Variants in PDE4D observed in about 807,000 individuals in gnomAD.
The protein encoded by PDE4D is 3',5'-cyclic-AMP phosphodiesterase 4D.
In PDE4D, 24 loss-of-function variants were observed where a neutral mutation model predicts 87.4. The observed-to-expected ratio is 0.27, with a 90% CI of 0.20 to 0.39. The LOEUF (loss-of-function observed/expected upper bound fraction) is 0.39, where lower values mean the gene tolerates loss of function less well. Among genes scored for constraint, PDE4D ranks in the 10% least tolerant of loss-of-function variants. The pLI, the probability that PDE4D is intolerant of heterozygous loss-of-function variation, is 1.00. For missense variants in PDE4D, 714 were observed against 1,041.0 expected (o/e 0.69, Z 4.32); for synonymous variants, 384 against 383.2 (o/e 1.00, Z -0.02).
intron 1 of PDE4D, among the ~76,000 whole-genome samples, chr5:59,516,359 C>T (rs2153670930): frequency 6.6e-6 from 1 of 152,248 alleles, no homozygotes; most frequent in East Asian, 1.9e-4. Flanking sequence ...AATAGGCCTT[C>T]AACACCACAC....
In PDE4D at chr5:59,498,707, G is replaced by T. The variant is rs555127793; in HGVS notation, c.456-282739C>A. 5.3e-5 allele frequency among the ~76,000 whole-genome samples: 8 copies of T among 152,050 alleles called. No homozygotes were observed. In the South Asian group the frequency reaches 1.7e-3, roughly 32 times the overall value. On this transcript the variant is annotated intron_variant, in intron 1 of 14. Coordinates refer to ENST00000340635, the MANE Select transcript of PDE4D (RefSeq NM_001104631.2). ...GAAAGGCATTACATAATGATAAAGT[G>T]TTCAATTCAATAAGAAGACTTAACT...
chr5:59,934,247 C>A (rs1756309534), intron 3 of PDE4D, among the ~76,000 whole-genome samples: 1 of 152,094 alleles, frequency 6.6e-6, no homozygotes. Context: ...AAAGTTTAAA[C>A]AGTAACAAAA....
chr5:60,499,474 T>G (rs1016768515), intron 1 of PDE4D, among the ~76,000 whole-genome samples: 2 of 152,172 alleles, frequency 1.3e-5, no homozygotes, highest in East Asian at 3.8e-4. Flanking sequence ...GAAAGTTGAT[T>G]CCTGGCTGCT....
chr5:59,863,774 A>AT lies in PDE4D; in HGVS notation c.455+29393dup, dbSNP rs570777168. Among the ~76,000 whole-genome samples, 90 of 152,104 alleles carry AT rather than the reference A, an allele frequency of 5.9e-4. 1 individual carries two copies. Among genetic ancestry groups the AT allele is most frequent in the Middle Eastern group, 3.4e-3 (1 of 294 alleles). On this transcript the variant is annotated intron_variant, in intron 1 of 14. Coordinates refer to ENST00000340635, the MANE Select transcript of PDE4D (RefSeq NM_001104631.2). ...AAGTACCAGATATTTTTAGTTTAGGATTTTTTTTAACATAACTTATGTTTG... is the reference window on the plus strand; with the variant it reads ...AAGTACCAGATATTTTTAGTTTAGGATTTTTTTTTAACATAACTTATGTTTG...
At chr5:59,374,965 CA>C (rs1392568112) in intron 1 of PDE4D, among the ~76,000 whole-genome samples, 2 of 152,094 alleles carry the variant, frequency 1.3e-5, no homozygotes, top group African/African-American at 4.8e-5. Flanking sequence ...AAGCAGAAAT[CA>C]ATAAGGTTTT....
chr5:59,968,533 T>C (rs1408471537), intron 3 of PDE4D, among the ~76,000 whole-genome samples: 1 of 152,020 alleles, frequency 6.6e-6, no homozygotes, highest in Non-Finnish European at 1.5e-5. Context: ...AATAATCCCA[T>C]GTAACAAATC....
At chr5:59,505,157 C>T (rs1235167236) in intron 1 of PDE4D, among the ~76,000 whole-genome samples, 1 of 152,006 alleles carries the variant, frequency 6.6e-6, no homozygotes, top group Non-Finnish European at 1.5e-5. Flanking sequence ...ATATGCATTC[C>T]CAGGTTATGC....
intron 3 of PDE4D, among the ~76,000 whole-genome samples, chr5:59,972,226 C>G (rs894654199): frequency 1.3e-5 from 2 of 152,202 alleles, no homozygotes; most frequent in African/African-American, 2.4e-5. Context: ...TATTCCTACT[C>G]CCCTAGTGGA....
At chr5:59,995,499 T>C (rs1212025535) in intron 2 of PDE4D, among the ~76,000 whole-genome samples, 1 of 151,970 alleles carries the variant, frequency 6.6e-6, no homozygotes, top group Non-Finnish European at 1.5e-5. Context: ...TTTGTATTTT[T>C]AGTAGAGACG....
chr5:60,038,734 T>A, intron 2 of PDE4D, among the ~76,000 whole-genome samples: 1 of 151,068 alleles, frequency 6.6e-6, no homozygotes, highest in African/African-American at 2.4e-5. Context: ...TCAAACAAAT[T>A]TACAAAAAAA....
chr5:59,091,174 C>G (rs535846115), intron 5 of PDE4D: 1 of 448,842 alleles, frequency 2.2e-6, no homozygotes, highest in African/African-American at 2.0e-5. Flanking sequence ...TTTATTAGAA[C>G]GTGGAGCAAC....
intron 1 of PDE4D, among the ~76,000 whole-genome samples, chr5:60,367,263 A>C (rs572465020): frequency 6.6e-6 from 1 of 152,022 alleles, no homozygotes; most frequent in African/African-American, 2.4e-5. Context: ...AGCCTGACCA[A>C]CATGTAGAAA....
intron 1 of PDE4D, among the ~76,000 whole-genome samples, chr5:59,850,553 C>T (rs932326172): frequency 6.6e-6 from 1 of 151,952 alleles, no homozygotes; most frequent in Non-Finnish European, 1.5e-5. Flanking sequence ...GGCATAGAGA[C>T]GTGAAATTGC....
chr5:59,204,113 A>C (rs1748180834), intron 2 of PDE4D, among the ~76,000 whole-genome samples: 1 of 152,170 alleles, frequency 6.6e-6, no homozygotes, highest in Non-Finnish European at 1.5e-5. Context: ...TACCTTGTAT[A>C]TAATAAATGC....
intron 1 of PDE4D, among the ~76,000 whole-genome samples, chr5:60,507,111 A>G (rs1387790242): frequency 6.6e-6 from 1 of 151,094 alleles, no homozygotes; most frequent in African/African-American, 2.4e-5. Context: ...ATGGAGTTTC[A>G]CCCTGTCGCC....
chr5:59,097,786 A>G (rs1323308884), intron 5 of PDE4D, among the ~76,000 whole-genome samples: 1 of 152,172 alleles, frequency 6.6e-6, no homozygotes, highest in Non-Finnish European at 1.5e-5. Context: ...AGATGGGACT[A>G]CTTTCAAGGA....
intron 2 of PDE4D, among the ~76,000 whole-genome samples, chr5:60,109,973 G>T (rs892058355): frequency 3.3e-5 from 5 of 151,710 alleles, no homozygotes; most frequent in Admixed American, 1.3e-4. Flanking sequence ...TAACTAACCT[G>T]CACATTGTGC....
intron 1 of PDE4D, among the ~76,000 whole-genome samples, chr5:59,364,161 C>T (rs1202833786): frequency 6.6e-6 from 1 of 152,112 alleles, no homozygotes; most frequent in Non-Finnish European, 1.5e-5. Context: ...CTCTCAGAAC[C>T]AGCTAAGAAA....
At chr5:59,040,604 C>T (rs1759522285) in intron 5 of PDE4D, among the ~76,000 whole-genome samples, 2 of 152,230 alleles carry the variant, frequency 1.3e-5, no homozygotes, top group African/African-American at 4.8e-5. Context: ...GCACCAGGGA[C>T]ACTGTCCCTA....
Sources: allele counts gnomAD v4.1 joint callset (sites outside exome capture counted in the v4.1 genomes callset), GRCh38; gene constraint gnomAD v4.1.1; transcripts MANE v1.5; gene names NCBI Gene and HGNC (gene_info 2026-07-23, HGNC 2026-07-21).